CPNE9: variants seen among roughly 807,000 people sequenced by gnomAD.
The protein encoded by CPNE9 is copine family member 9, also known as copine-9.
A neutral mutation model predicts 83.0 loss-of-function variants in CPNE9; 59 were observed. The observed-to-expected ratio is 0.71, with a 90% CI of 0.58 to 0.88. CPNE9 has a LOEUF of 0.88. Ranked by LOEUF, CPNE9 falls within the 40% of genes least tolerant of loss-of-function variation. The probability of loss-of-function intolerance (pLI) is 0.00; values close to 1 mark genes in which losing one functional copy is unlikely to be tolerated. For missense variants in CPNE9, 619 were observed against 720.8 expected (o/e 0.86, Z 1.62); for synonymous variants, 256 against 273.4 (o/e 0.94, Z 0.63).
chr3:9,717,670 G>GTGGATGGATGGATGGA (rs113581025), intron 15 of CPNE9, among the ~76,000 whole-genome samples: 1 of 151,836 alleles, frequency 6.6e-6, no homozygotes, highest in African/African-American at 2.4e-5. Flanking sequence ...AGACAAGTGG[G>GTGGATGGATGGATGGA]TGGATGGATG....
chr3:9,719,126 C>T (rs1244042839), intron 17 of CPNE9, among the ~76,000 whole-genome samples: 1 of 151,976 alleles, frequency 6.6e-6, no homozygotes, highest in Non-Finnish European at 1.5e-5. Flanking sequence ...CATATGCCAC[C>T]ATGCCTGGCT....
Position 9,712,760 on chromosome 3 carries a change from G to T in CPNE9, c.477G>T (p.Leu159=), listed in dbSNP as rs375304283. Residue 159 remains leucine (L), a synonymous_variant, in exon 9 of 21, where the codon CTG becomes CTT. Transcript: ENST00000383832. ...CCATGCAGCTGTGTGCAAACAAGCT[G>T]GACAAGAAGGACTTCTTTGGGAAAT... ...IATMQLCANK[L]DKKDFFGKSD... The T allele has an allele frequency of 4.3e-6, 7 of 1,614,002 alleles. No individual in the cohort carries two copies. In the African/African-American group the frequency reaches 9.3e-5, roughly 22 times the overall value.
At chr3:9,705,026 C>T (rs1349787366) in intron 4 of CPNE9, 32 bp downstream of exon 4, 2 of 1,499,948 alleles carry the variant, frequency 1.3e-6, no homozygotes, top group South Asian at 1.2e-5. Flanking sequence ...TGGCTTGGCC[C>T]GCCCCCGACC....
chr3:9,718,641 C>T, intron 17 of CPNE9, 39 bp downstream of exon 17: 1 of 1,602,622 alleles, frequency 6.2e-7, no homozygotes, highest in Non-Finnish European at 8.5e-7. Flanking sequence ...AATGAGGGGA[C>T]CCACATAAGG....
intron 17 of CPNE9, among the ~76,000 whole-genome samples, chr3:9,725,000 G>A (rs1431404914): frequency 2.0e-5 from 3 of 151,788 alleles, no homozygotes; most frequent in African/African-American, 2.4e-5. Flanking sequence ...CAAGTGATCC[G>A]CCCACCTCGG....
chr3:9,715,042 G>A (rs1046758141), intron 11 of CPNE9, 87 bp downstream of exon 11: 1 of 1,272,526 alleles, frequency 7.9e-7, no homozygotes, highest in African/African-American at 1.5e-5. Context: ...GAACCCCAAA[G>A]TAGCTTTAGG....
chr3:9,720,123 G>A (rs1257968353), intron 17 of CPNE9, among the ~76,000 whole-genome samples: 1 of 151,660 alleles, frequency 6.6e-6, no homozygotes, highest in African/African-American at 2.4e-5. Context: ...TTTATGAAAT[G>A]ACAGAACTAA....
At chr3:9,709,778 T>C (rs1214314239) in intron 7 of CPNE9, among the ~76,000 whole-genome samples, 2 of 151,072 alleles carry the variant, frequency 1.3e-5, no homozygotes, top group Non-Finnish European at 3.0e-5. Context: ...TCACCTGAGG[T>C]CAGGAGTTCA....
intron 16 of CPNE9, 81 bp downstream of exon 16, chr3:9,718,291 C>T: frequency 7.0e-7 from 1 of 1,435,216 alleles, no homozygotes. Flanking sequence ...GTTTACATTA[C>T]TTCAAAGGGC....
rs2076672305 is a variant in CPNE9 at position 9,715,361 on chromosome 3, T to C, written c.765T>C (p.Tyr255=). 1.2e-6 allele frequency: 2 copies of C among 1,614,070 alleles called. No homozygotes were observed. The highest frequency in any genetic ancestry group is 2.2e-5 in the South Asian group (2 of 91,090). ...LSKAQNQFTV[Y]EVLNPRKKCK... Reference sequence around the variant, plus strand: ...AGGCCCAGAACCAGTTCACAGTATATGAGGTGAGCATTCCAGCCCTGCCCA... The same window carrying C: ...AGGCCCAGAACCAGTTCACAGTATACGAGGTGAGCATTCCAGCCCTGCCCA... Residue 255 remains tyrosine (Y), a synonymous_variant, in exon 12 of 21, where the codon TAT becomes TAC. Transcript: ENST00000383832.
chr3:9,710,624 C>T (rs528386119), intron 7 of CPNE9, among the ~76,000 whole-genome samples: 2 of 152,160 alleles, frequency 1.3e-5, no homozygotes, highest in Non-Finnish European at 2.9e-5. Flanking sequence ...GAGACAAGTT[C>T]GCATAATTGT....
In CPNE9 at chr3:9,719,601, G is replaced by T. The variant is rs530191719; in HGVS notation, c.1241+999G>T. ...ATTGCAAGGTTAAAATTAGATAATA[G>T]TGTAACAAGTATTAGCACAGTGTCT... On this transcript the variant is annotated intron_variant, in intron 17 of 20. Coordinates refer to ENST00000383832, the MANE Select transcript of CPNE9 (RefSeq NM_153635.3). Among the ~76,000 whole-genome samples, 23 of 152,316 alleles carry T rather than the reference G, an allele frequency of 1.5e-4. No individual in the cohort carries two copies. In the South Asian group the frequency reaches 4.6e-3, roughly 30 times the overall value.
Position 9,713,089 on chromosome 3 carries a change from A to C in CPNE9, c.650+10A>C, listed in dbSNP as rs2076645939. The C allele has an allele frequency of 1.9e-6, 3 of 1,606,990 alleles. No homozygotes were observed. Among genetic ancestry groups the C allele is most frequent in the Non-Finnish European group, 2.6e-6 (3 of 1,173,726 alleles). On this transcript the variant is annotated intron_variant, in intron 10 of 20. Transcript: ENST00000383832. Reference sequence around the variant, plus strand: ...ATGGAGACTATGACAGGTTGGCTCCAGCATAAGCTGGGGAGTAAGGAGCCA... The same window carrying C: ...ATGGAGACTATGACAGGTTGGCTCCCGCATAAGCTGGGGAGTAAGGAGCCA...
intron 20 of CPNE9, among the ~76,000 whole-genome samples, chr3:9,728,172 G>A (rs2076800298): frequency 6.6e-6 from 1 of 152,204 alleles, no homozygotes. Flanking sequence ...AACTAAATAT[G>A]TGGTTCTAGA....
Position 9,704,196 on chromosome 3 carries a change from C to A in CPNE9, c.68+132C>A. ...TTGGCTGGAAAATCACAGCTGATGA[C>A]AGGGCGAGTAGCTGGTGGGATCGAG... On this transcript the variant is annotated intron_variant, in intron 1 of 20. Transcript: ENST00000383832. The surrounding 1 kb of genome is among the most constrained non-coding windows in gnomAD (Gnocchi z 7.1). 1 of 838,634 alleles carries A rather than the reference C, an allele frequency of 1.2e-6. No homozygotes were observed. The highest frequency in any genetic ancestry group is 1.7e-5 in the South Asian group (1 of 60,558). The allele number at this position is 838,634 out of a possible 1,614,324, so 51.9% of individuals were successfully genotyped here.
intron 7 of CPNE9, among the ~76,000 whole-genome samples, chr3:9,711,621 G>C (rs1459623533): frequency 6.6e-6 from 1 of 152,196 alleles, no homozygotes; most frequent in African/African-American, 2.4e-5. Context: ...TCTAAGGATA[G>C]GGAAAATCAC....
intron 8 of CPNE9, 22 bp from the exon 9 acceptor site, chr3:9,712,703 G>C: frequency 1.2e-6 from 2 of 1,611,318 alleles, no homozygotes; most frequent in South Asian, 1.1e-5. Context: ...GGTGCCACCA[G>C]CCCAACTTCA....
chr3:9,705,747 G>A, intron 6 of CPNE9, 27 bp downstream of exon 6: 1 of 1,607,642 alleles, frequency 6.2e-7, no homozygotes. Context: ...CTGGGCAGAG[G>A]TTGGGGGTGG....
At chr3:9,707,091 C>T (rs566842790) in intron 7 of CPNE9, among the ~76,000 whole-genome samples, 23 of 152,232 alleles carry the variant, frequency 1.5e-4, no homozygotes, top group African/African-American at 5.5e-4. Flanking sequence ...CGGTGGCTCA[C>T]ACCTGTAATC....
Sources: gnomAD v4.1 joint callset for allele counts (sites outside exome capture counted in the v4.1 genomes callset) on GRCh38, gnomAD v4.1.1 for gene constraint, Gnocchi (gnomAD v3.1) non-coding constraint, MANE v1.5 for transcripts, NCBI Gene and HGNC (gene_info 2026-07-23, HGNC 2026-07-21) for gene names.